PZP: variants seen among roughly 807,000 people sequenced by gnomAD.
The protein encoded by PZP is pregnancy zone protein.
Under a neutral mutation model 179.8 loss-of-function variants are expected in PZP, and 150 were observed. That is an observed-to-expected ratio of 0.83 (90% confidence interval 0.73 to 0.96). PZP has a LOEUF of 0.96. PZP is among the 40% of genes least tolerant of loss of function. PZP has a pLI of 0.00. For synonymous variants in PZP, 624 were observed against 652.3 expected, an observed-to-expected ratio of 0.96 and a Z score of 0.66; for missense variants, 1,689 against 1,764.0, an observed-to-expected ratio of 0.96 and a Z score of 0.76.
the PZP span, among the ~76,000 whole-genome samples, chr12:9,139,689 T>A: frequency 6.6e-6 from 1 of 152,222 alleles, no homozygotes; most frequent in Non-Finnish European, 1.5e-5. Flanking sequence ...ATTTCCCTTT[T>A]GGTCTCTTGT....
chr12:9,192,485 A>G, intron 12 of PZP, 27 bp downstream of exon 12: 1 of 1,587,966 alleles, frequency 6.3e-7, no homozygotes, highest in Non-Finnish European at 8.6e-7. Context: ...GATAAGCTGC[A>G]ATTGTATTCC....
chr12:9,159,783 C>T (rs111960295), intron 25 of PZP, among the ~76,000 whole-genome samples, 155 bp downstream of exon 25: 24 of 151,698 alleles, frequency 1.6e-4, no homozygotes, highest in African/African-American at 5.6e-4. Flanking sequence ...TTTGACTTAT[C>T]AGCCTTCATA....
chr12:9,191,812 T>C (rs1241266889), intron 13 of PZP, among the ~76,000 whole-genome samples: 2 of 152,184 alleles, frequency 1.3e-5, no homozygotes, highest in Non-Finnish European at 2.9e-5. Context: ...ATCTATCACC[T>C]TTCTTCCTTC....
intron 13 of PZP, among the ~76,000 whole-genome samples, chr12:9,186,121 A>G (rs1408565233): frequency 6.6e-5 from 10 of 152,246 alleles, no homozygotes; most frequent in East Asian, 1.9e-4. Flanking sequence ...TCTTAAAGAA[A>G]ATAAATTCCA....
the PZP span, among the ~76,000 whole-genome samples, chr12:9,140,712 C>T: frequency 0.34 from 51,416 of 151,938 alleles, 10,333 homozygotes; most frequent in Non-Finnish European, 0.44. Flanking sequence ...AATTCCTCTC[C>T]TCCTGAGGTT....
chr12:9,206,337 T>G (rs1443136210), intron 1 of PZP, among the ~76,000 whole-genome samples: 1 of 152,044 alleles, frequency 6.6e-6, no homozygotes, highest in Non-Finnish European at 1.5e-5. Context: ...TCCACATATA[T>G]TTGATATTCT....
chr12:9,199,014 G>A (rs1272577073), intron 7 of PZP, among the ~76,000 whole-genome samples: 5 of 152,136 alleles, frequency 3.3e-5, no homozygotes, highest in African/African-American at 1.2e-4. Context: ...AACTGTAAGA[G>A]GTATCTGTAA....
intron 13 of PZP, among the ~76,000 whole-genome samples, chr12:9,186,964 C>G (rs937933491): frequency 6.7e-6 from 1 of 149,854 alleles, no homozygotes; most frequent in Non-Finnish European, 1.5e-5. Context: ...CAAACCTGCA[C>G]GTTCTGCCCA....
chr12:9,203,729 T>C, intron 2 of PZP, 39 bp downstream of exon 2: 18 of 1,608,090 alleles, frequency 1.1e-5, no homozygotes, highest in Non-Finnish European at 1.4e-5. Flanking sequence ...CAATAAAATG[T>C]ATCAAGCAGG....
intron 17 of PZP, 120 bp from the exon 18 acceptor site, chr12:9,166,322 T>C (rs1941583647): frequency 3.4e-6 from 3 of 879,460 alleles, no homozygotes; most frequent in African/African-American, 1.7e-5. Context: ...AAAAGTCTTG[T>C]AGAAGTTGTA....
the PZP span, among the ~76,000 whole-genome samples, chr12:9,142,516 C>T: frequency 3.5e-4 from 54 of 152,254 alleles, no homozygotes; most frequent in Admixed American, 1.2e-3. Flanking sequence ...ATTAAAGTCA[C>T]GTGAACTGAA....
At chr12:9,198,125 G>T (rs1278166176) in intron 7 of PZP, among the ~76,000 whole-genome samples, 5 of 150,914 alleles carry the variant, frequency 3.3e-5, no homozygotes, top group African/African-American at 1.2e-4. Flanking sequence ...AGCCAAGAAG[G>T]ATTGCTTGAG....
intron 25 of PZP, 60 bp downstream of exon 25, chr12:9,159,878 G>T (rs1565628224): frequency 1.4e-6 from 2 of 1,398,896 alleles, no homozygotes; most frequent in Non-Finnish European, 2.0e-6. Flanking sequence ...ACTAAGACAG[G>T]TAATCTATGT....
intron 15 of PZP, among the ~76,000 whole-genome samples, chr12:9,176,163 T>C (rs1942351099): frequency 6.6e-6 from 1 of 152,210 alleles, no homozygotes; most frequent in South Asian, 2.1e-4. Flanking sequence ...TGCAGAGACA[T>C]GGATAGAGCT....
intron 7 of PZP, among the ~76,000 whole-genome samples, chr12:9,198,570 GAAA>G (rs1158169766): frequency 6.6e-6 from 1 of 152,070 alleles, no homozygotes; most frequent in East Asian, 1.9e-4. Context: ...GAGAGAGGGA[GAAA>G]AAGAAGCCTA....
rs755959852 is a variant in PZP at position 9,202,327 on chromosome 12, T to C, written c.472A>G (p.Asn158Asp). 25 of 1,613,864 alleles carry C rather than the reference T, an allele frequency of 1.5e-5. No homozygotes were observed. In the South Asian group the frequency reaches 2.5e-4, roughly 16 times the overall value. Residue 158 changes from asparagine (N) to aspartate (D), a missense_variant, in exon 4 of 36, where the codon AAT (asparagine) becomes GAT (aspartate). Around this residue, in one of 3 missense-constraint regions of PZP, gnomAD observed 742 missense variants for 730.5 expected, o/e 1.02. Transcript: ENST00000261336. ...AGATAGTGGATGCTTACCAGTTCAT[T>C]TCGAGGGCGAAAATTTTCATCCACG... is the stretch of plus-strand genomic sequence containing the variant. ...VSVDENFRPR[N>D]ELIPLIYLEN... is the part of the protein sequence containing the mutation.
intron 20 of PZP, 78 bp downstream of exon 20, chr12:9,164,055 A>C: frequency 6.8e-7 from 1 of 1,478,508 alleles, no homozygotes; most frequent in Non-Finnish European, 9.2e-7. Context: ...CAAATAAAAG[A>C]GAGAATATGA....
At chr12:9,138,641 G>T in the PZP span, among the ~76,000 whole-genome samples, 2 of 151,984 alleles carry the variant, frequency 1.3e-5, no homozygotes, top group South Asian at 2.1e-4. Context: ...GTTTTTATTT[G>T]TTAGAAGGAT....
intron 25 of PZP, among the ~76,000 whole-genome samples, 176 bp from the exon 26 acceptor site, chr12:9,158,752 C>CTTTTTTTTTTTTTTTTTTTTT (rs200458490): frequency 3.9e-4 from 38 of 97,804 alleles, no homozygotes; most frequent in Non-Finnish European, 5.5e-4. Flanking sequence ...TTTTTCTTTT[C>CTTTTTTTTTTTTTTTTTTTTT]TTTTCTTTTT....
Sources: allele counts gnomAD v4.1 joint callset (sites outside exome capture counted in the v4.1 genomes callset), GRCh38; gene constraint gnomAD v4.1.1; regional missense constraint gnomAD v4.1.1; transcripts MANE v1.5; gene names NCBI Gene and HGNC (gene_info 2026-07-23, HGNC 2026-07-21).